The following BEND2 variants were observed in gnomAD, a reference collection of about 807,000 sequenced individuals.
BEND2 encodes BEN domain-containing protein 2.
In BEND2, 19 loss-of-function variants were observed where a neutral mutation model predicts 43.8. That is an observed-to-expected ratio of 0.43 (90% CI 0.30 to 0.64). The LOEUF is 0.64. Ranked by LOEUF, BEND2 falls within the 30% of genes least tolerant of loss-of-function variation. The pLI is 0.11. For synonymous variants in BEND2, 226 were observed against 210.1 expected, an observed-to-expected ratio of 1.08 and a Z score of -0.66; for missense variants, 544 against 574.0, an observed-to-expected ratio of 0.95 and a Z score of 0.53.
chrX:18,179,321 C>G, intron 9 of BEND2, among the ~76,000 whole-genome samples: 1 of 107,943 alleles, frequency 9.3e-6, no homozygotes. Context: ...GCCACCACGC[C>G]TGGCTAATTT....
chrX:18,170,428 T>A lies in BEND2; in HGVS notation c.2185+573A>T, dbSNP rs145859614. Among the ~76,000 whole-genome samples the A allele has an allele frequency of 2.7e-5, 3 of 112,148 alleles. No individual in the cohort carries two copies. The East Asian group carries it at 8.4e-4, about 31-fold the overall frequency. On this transcript the variant is annotated intron_variant, in intron 13 of 13. Coordinates refer to ENST00000380033, the MANE Select transcript of BEND2 (RefSeq NM_153346.5). ...CAGTGCTGTTCAAATTTGTTGGCTATGAAAATGTATGATATGAAGGTAGGA... is the reference window on the plus strand; with the variant it reads ...CAGTGCTGTTCAAATTTGTTGGCTAAGAAAATGTATGATATGAAGGTAGGA...
At chrX:18,195,777 G>A (rs1422873836) in intron 6 of BEND2, among the ~76,000 whole-genome samples, 2 of 109,906 alleles carry the variant, frequency 1.8e-5, no homozygotes, top group African/African-American at 6.6e-5. Context: ...TGAGTCAGGA[G>A]GCTGAGGGAG....
chrX:18,168,385 G>A (rs997413723), intron 13 of BEND2, among the ~76,000 whole-genome samples: 20 of 111,747 alleles, frequency 1.8e-4, no homozygotes, highest in African/African-American at 6.2e-4. Flanking sequence ...TGATTTACAA[G>A]GGAAGGTACA....
intron 8 of BEND2, among the ~76,000 whole-genome samples, chrX:18,182,285 A>G (rs764622128): frequency 6.3e-5 from 7 of 110,636 alleles, no homozygotes; most frequent in Non-Finnish European, 1.9e-5. Flanking sequence ...TCCTGCCACC[A>G]TGTGAAGAAG....
At chrX:18,208,712 C>A (rs1035610820) in intron 4 of BEND2, among the ~76,000 whole-genome samples, 36 of 110,744 alleles carry the variant, frequency 3.3e-4, no homozygotes, top group African/African-American at 1.2e-3. Flanking sequence ...ATATAAGAAC[C>A]TAGGTTTAAG....
intron 8 of BEND2, among the ~76,000 whole-genome samples, chrX:18,186,163 C>T (rs1924562097): frequency 9.0e-6 from 1 of 111,597 alleles, no homozygotes; most frequent in African/African-American, 3.3e-5. Flanking sequence ...CTTTTCAAGA[C>T]ATAGACAGTA....
In BEND2 at chrX:18,191,082, TC is replaced by T. The variant is rs1468820384; in HGVS notation, c.1206del (p.Thr403GlnfsTer2). ...NFESGPQMSY[G>X]TMSYSTEMKN... ...TTCATTTCAGTTGAGTAACTCATTG[TC>T]CCATAACTCATTTGTGGGCCAGATT... is the stretch of plus-strand genomic sequence containing the variant. On this transcript the variant is annotated frameshift_variant, in exon 8 of 14. Transcript: ENST00000380033. LOFTEE classifies it high-confidence loss of function. The T allele has an allele frequency of 1.7e-6, 2 of 1,206,903 alleles. No individual in the cohort carries two copies. Among genetic ancestry groups the T allele is most frequent in the Admixed American group, 4.4e-5 (2 of 45,397 alleles).
chrX:18,181,180 A>AACAATTACTACATTTGTAATT (rs1279743513), intron 8 of BEND2, among the ~76,000 whole-genome samples: 1 of 111,903 alleles, frequency 8.9e-6, no homozygotes. Flanking sequence ...CACACTGGAA[A>AACAATTACTACATTTGTAATT]ACAATTACTA....
chrX:18,180,727 C>A, intron 8 of BEND2, 77 bp from the exon 9 acceptor site: 1 of 738,967 alleles, frequency 1.4e-6, no homozygotes. Flanking sequence ...GAAATACACT[C>A]TCAGACAAAA....
At chrX:18,192,815 G>A (rs750744810) in intron 7 of BEND2, among the ~76,000 whole-genome samples, 16 of 111,555 alleles carry the variant, frequency 1.4e-4, no homozygotes, top group African/African-American at 4.9e-4. Context: ...ACTGTTCAGG[G>A]AATTATGTGC....
chrX:18,171,076 C>T lies in BEND2; in HGVS notation c.2110G>A (p.Val704Ile), dbSNP rs759693799. Residue 704 changes from valine (V) to isoleucine (I), a missense_variant, in exon 13 of 14, where the codon GTC becomes ATC. This residue lies in a region of BEND2 where 501 missense variants were observed against 501.6 expected (regional missense o/e 1.00). Transcript: ENST00000380033. ...AGATTGCCATAGACGTTACTTTGGA[C>T]CAGGACATCTTTTGTGAAGAGTTTC... ...IQKLFTKDVL[V>I]QSNVYGNLKH... is the part of the protein sequence containing the mutation. 5.0e-6 allele frequency: 6 copies of T among 1,211,995 alleles called. No homozygotes were observed. The South Asian group carries it at 8.8e-5, about 18-fold the overall frequency.
intron 4 of BEND2, among the ~76,000 whole-genome samples, chrX:18,204,562 G>A (rs1408715375): frequency 8.9e-6 from 1 of 111,833 alleles, no homozygotes; most frequent in South Asian, 3.7e-4. Flanking sequence ...TATTTCAAAA[G>A]AAAAATAACA....
At chrX:18,180,683 A>G (rs377513871) in intron 8 of BEND2, 33 bp from the exon 9 acceptor site, 22 of 1,092,482 alleles carry the variant, frequency 2.0e-5, no homozygotes, top group Non-Finnish European at 2.5e-5. Context: ...TGACAATTCT[A>G]TATCCAGCAA....
chrX:18,192,447 A>T (rs755228469), intron 7 of BEND2, among the ~76,000 whole-genome samples: 1 of 112,043 alleles, frequency 8.9e-6, no homozygotes. Flanking sequence ...ACAATGAAAG[A>T]AGAAGAAATA....
At position 18,177,665 on chromosome X, in the gene BEND2, T is replaced by C. The variant is rs777709964; in HGVS notation, c.1534A>G (p.Ile512Val). 1.7e-6 allele frequency: 2 copies of C among 1,211,000 alleles called. No individual in the cohort carries two copies. Among genetic ancestry groups the C allele is most frequent in the East Asian group, 3.0e-5 (1 of 33,812 alleles). ...ATCAGGATTTCCTTGGAGAACAAAATACGAACCAAGTAGCAGGCTGCTTGC... is the reference window on the plus strand; with the variant it reads ...ATCAGGATTTCCTTGGAGAACAAAACACGAACCAAGTAGCAGGCTGCTTGC... ...PKQAACYLVRILFSKEILISS... is the reference protein window; with the variant it reads ...PKQAACYLVRVLFSKEILISS... Residue 512 changes from isoleucine (I) to valine (V), a missense_variant, in exon 10 of 14, where the codon ATT becomes GTT. Ile to Val is a conservative substitution (Grantham distance 29, BLOSUM62 3). This residue lies in a region of BEND2 where 501 missense variants were observed against 501.6 expected (regional missense o/e 1.00). Transcript: ENST00000380033.
intron 1 of BEND2, among the ~76,000 whole-genome samples, chrX:18,220,280 G>C (rs1034263291): frequency 8.9e-6 from 1 of 112,366 alleles, no homozygotes; most frequent in Non-Finnish European, 1.9e-5. Context: ...CGGCCGCATA[G>C]ATCTGTATCG....
At chrX:18,181,716 A>G (rs1246734522) in intron 8 of BEND2, among the ~76,000 whole-genome samples, 1 of 112,070 alleles carries the variant, frequency 8.9e-6, no homozygotes, top group Non-Finnish European at 1.9e-5. Context: ...ATACGTATAC[A>G]GTAACACTCA....
rs969919503 is a variant in BEND2 at position 18,173,897 on chromosome X, C to G, written c.1981+133G>C. 1.8e-5 allele frequency: 10 copies of G among 544,902 alleles called. No homozygotes were observed. The Admixed American group carries it at 3.6e-4, about 20-fold the overall frequency. The allele number at this position is 544,902 out of a possible 1,213,427, so 44.9% of individuals were successfully genotyped here. On this transcript the variant is annotated intron_variant, in intron 12 of 13. Transcript: ENST00000380033. The stretch of plus-strand genomic sequence containing the variant: ...TAATAAAAGACATTAAATTATTTCA[C>G]TTTCTGATGAAATTTCTCAAACACA...
intron 6 of BEND2, 89 bp from the exon 7 acceptor site, chrX:18,195,531 C>T (rs1289316065): frequency 3.3e-5 from 29 of 891,879 alleles, no homozygotes; most frequent in Admixed American, 7.1e-5. Flanking sequence ...ATTTCTCGAA[C>T]GAAAGAAAAC....
Sources: gnomAD v4.1 joint callset for allele counts (sites outside exome capture counted in the v4.1 genomes callset) on GRCh38, gnomAD v4.1.1 for gene constraint, gnomAD v4.1.1 regional missense constraint, MANE v1.5 for transcripts, NCBI Gene and HGNC (gene_info 2026-07-23, HGNC 2026-07-21) for gene names.